The following NEK11 variants were observed in gnomAD, a reference collection of about 807,000 sequenced individuals.
The protein encoded by NEK11 is NIMA related kinase 11.
NEK11 carries 72 observed loss-of-function variants against 80.7 expected under a neutral mutation model. The observed-to-expected ratio is 0.89, with a 90% confidence interval of 0.74 to 1.08. NEK11 has a LOEUF of 1.08. Ranked by LOEUF, NEK11 falls within the 50% of genes least tolerant of loss-of-function variation. NEK11 has a pLI of 0.00. For missense variants in NEK11, 764 were observed against 763.6 expected, an observed-to-expected ratio of 1.00 and a Z score of -0.01; for synonymous variants, 251 against 260.7, an observed-to-expected ratio of 0.96 and a Z score of 0.36.
chr3:131,312,831 CT>C (rs896426712), intron 17 of NEK11, among the ~76,000 whole-genome samples: 5 of 151,876 alleles, frequency 3.3e-5, no homozygotes, highest in African/African-American at 1.2e-4. Flanking sequence ...TTTTTAAAAA[CT>C]TTTTTTTAGT....
intron 10 of NEK11, among the ~76,000 whole-genome samples, chr3:131,155,784 C>T (rs1424488028): frequency 6.6e-6 from 1 of 152,114 alleles, no homozygotes; most frequent in Non-Finnish European, 1.5e-5. Flanking sequence ...AACAGAAGCC[C>T]TCAATAGGCT....
intron 3 of NEK11, among the ~76,000 whole-genome samples, chr3:131,036,730 C>T (rs563898595): frequency 1.3e-5 from 2 of 152,228 alleles, no homozygotes; most frequent in East Asian, 1.9e-4. Context: ...TTGGCTCCCC[C>T]CTACCCCAGA....
intron 15 of NEK11, among the ~76,000 whole-genome samples, chr3:131,240,658 T>A (rs1366953008): frequency 6.6e-6 from 1 of 152,186 alleles, no homozygotes; most frequent in African/African-American, 2.4e-5. Flanking sequence ...ATCCAGTGAC[T>A]GAAATGTCTG....
chr3:131,124,245 A>C (rs947344872), intron 5 of NEK11, among the ~76,000 whole-genome samples: 26 of 152,204 alleles, frequency 1.7e-4, no homozygotes, highest in African/African-American at 6.0e-4. Flanking sequence ...AAATTTCAAA[A>C]AACATGGAAG....
At position 131,033,958 on chromosome 3, in the gene NEK11, CAA is replaced by C. The variant is rs559572407; in HGVS notation, c.170+4081_170+4082del. Among the ~76,000 whole-genome samples, 462 of 152,238 alleles carry C rather than the reference CAA, an allele frequency of 3.0e-3. 1 individual carries two copies. The highest frequency in any genetic ancestry group is 6.8e-3 in the Middle Eastern group (2 of 294). On this transcript the variant is annotated intron_variant, in intron 3 of 17. Coordinates refer to ENST00000383366, the MANE Select transcript of NEK11 (RefSeq NM_024800.5). ...ATTATGCATCATGAAATTCATAAAA[CAA>C]TATTTGAGAATATTTTCTTTCATAA...
intron 17 of NEK11, among the ~76,000 whole-genome samples, chr3:131,283,464 G>A (rs1465455882): frequency 6.6e-6 from 1 of 151,896 alleles, no homozygotes; most frequent in African/African-American, 2.4e-5. Context: ...GAATTGGCAG[G>A]TATTGGTATT....
chr3:131,099,811 T>C (rs1662355899), intron 4 of NEK11, among the ~76,000 whole-genome samples: 1 of 152,242 alleles, frequency 6.6e-6, no homozygotes, highest in African/African-American at 2.4e-5. Flanking sequence ...TTTTTGTACA[T>C]TGATTTTGTA....
chr3:131,109,699 C>A, intron 4 of NEK11, 104 bp from the exon 5 acceptor site: 2 of 1,143,892 alleles, frequency 1.7e-6, no homozygotes, highest in Non-Finnish European at 2.4e-6. Context: ...TACAGAATGG[C>A]ACTTTCTTAT....
At chr3:131,179,334 G>C (rs1178226107) in intron 14 of NEK11, among the ~76,000 whole-genome samples, 1 of 152,188 alleles carries the variant, frequency 6.6e-6, no homozygotes, top group Non-Finnish European at 1.5e-5. Flanking sequence ...GCACAGATAG[G>C]CTAAGAAAAG....
At chr3:131,226,685 G>A (rs1030831291) in intron 14 of NEK11, among the ~76,000 whole-genome samples, 1 of 152,088 alleles carries the variant, frequency 6.6e-6, no homozygotes, top group Non-Finnish European at 1.5e-5. Flanking sequence ...GAAGGGAGGA[G>A]GGTGGGAGGG....
chr3:131,088,514 C>T (rs1009368301), intron 4 of NEK11, among the ~76,000 whole-genome samples: 1 of 152,088 alleles, frequency 6.6e-6, no homozygotes, highest in Admixed American at 6.6e-5. Context: ...AAGGCTTTAG[C>T]TGTCATATGA....
At chr3:131,190,528 C>T (rs2093754517) in intron 14 of NEK11, among the ~76,000 whole-genome samples, 1 of 152,134 alleles carries the variant, frequency 6.6e-6, no homozygotes, top group Non-Finnish European at 1.5e-5. Flanking sequence ...CACCATGTGA[C>T]ACCCACTCCC....
intron 3 of NEK11, among the ~76,000 whole-genome samples, chr3:131,071,725 T>C (rs2073351052): frequency 6.6e-6 from 1 of 152,144 alleles, no homozygotes; most frequent in African/African-American, 2.4e-5. Flanking sequence ...CAGTTTTTTT[T>C]CTCACAATAG....
intron 12 of NEK11, among the ~76,000 whole-genome samples, chr3:131,167,847 C>T (rs370065498): frequency 6.6e-6 from 1 of 152,212 alleles, no homozygotes; most frequent in African/African-American, 2.4e-5. Flanking sequence ...GGAGGGGAAG[C>T]GACCGATGCT....
At chr3:131,182,375 T>C (rs1462300018) in intron 14 of NEK11, among the ~76,000 whole-genome samples, 1 of 152,184 alleles carries the variant, frequency 6.6e-6, no homozygotes, top group East Asian at 1.9e-4. Flanking sequence ...ACTTATTCTC[T>C]CCTTTATCGT....
chr3:131,197,382 A>G (rs776166514), intron 14 of NEK11, among the ~76,000 whole-genome samples: 30 of 152,254 alleles, frequency 2.0e-4, no homozygotes, highest in Admixed American at 5.9e-4. Context: ...TCTGCGGTAG[A>G]TCTTAGTCAT....
chr3:131,084,792 G>A (rs1195031258), intron 4 of NEK11, among the ~76,000 whole-genome samples: 2 of 152,196 alleles, frequency 1.3e-5, no homozygotes, highest in Non-Finnish European at 2.9e-5. Flanking sequence ...CCTGAGGCCT[G>A]AGGCCCACCT....
At chr3:131,157,113 C>G (rs1444181521) in intron 10 of NEK11, among the ~76,000 whole-genome samples, 1 of 152,032 alleles carries the variant, frequency 6.6e-6, no homozygotes, top group African/African-American at 2.4e-5. Flanking sequence ...TGCTTAAAAT[C>G]CCTGGTAACA....
intron 17 of NEK11, among the ~76,000 whole-genome samples, chr3:131,277,572 T>C (rs920468166): frequency 6.6e-6 from 1 of 152,252 alleles, no homozygotes; most frequent in Non-Finnish European, 1.5e-5. Context: ...GTCTCCTCTA[T>C]GAAGAAGTTG....
Sources: gnomAD v4.1 joint callset for allele counts (sites outside exome capture counted in the v4.1 genomes callset) on GRCh38, gnomAD v4.1.1 for gene constraint, MANE v1.5 for transcripts, NCBI Gene and HGNC (gene_info 2026-07-23, HGNC 2026-07-21) for gene names.